CFAP299: variants seen among roughly 807,000 people sequenced by gnomAD.
CFAP299 encodes cilia and flagella associated protein 299.
Under a neutral mutation model 27.0 loss-of-function variants are expected in CFAP299, and 21 were observed. The observed-to-expected ratio is 0.78, with a 90% CI of 0.55 to 1.12. CFAP299 has a LOEUF of 1.12. Ranked by LOEUF, CFAP299 falls within the 50% of genes most tolerant of loss-of-function variation. CFAP299 has a pLI of 0.00. For missense variants in CFAP299, 310 were observed against 276.6 expected (o/e 1.12, Z -0.86); for synonymous variants, 104 against 98.1 (o/e 1.06, Z -0.36).
chr4:80,608,831 G>A (rs1055239698), intron 3 of CFAP299, among the ~76,000 whole-genome samples: 2 of 150,496 alleles, frequency 1.3e-5, no homozygotes, highest in African/African-American at 4.9e-5. Flanking sequence ...TAGAATTCTT[G>A]TGTAAAACTG....
chr4:80,963,684 A>G lies in CFAP299; in HGVS notation c.*72A>G, dbSNP rs1042265223. ...TCCGTAGACAGAGCAAATTAGAATAATAAATGAGCCCTGTAGCTGGAAGGC... is the reference window on the plus strand; with the variant it reads ...TCCGTAGACAGAGCAAATTAGAATAGTAAATGAGCCCTGTAGCTGGAAGGC... On this transcript the variant is annotated 3_prime_UTR_variant, in exon 6 of 6. Transcript: ENST00000358105. The G allele has an allele frequency of 4.1e-6, 4 of 986,644 alleles. No individual in the cohort carries two copies. In the Admixed American group the frequency reaches 6.9e-5, roughly 17 times the overall value. The allele number at this position is 986,644 out of a possible 1,614,324, so 61.1% of individuals were successfully genotyped here. A position where few individuals can be genotyped will look rare whatever the true frequency, so the allele number is the denominator to read the frequency against.
chr4:80,327,173 T>C, the CFAP299 span, among the ~76,000 whole-genome samples: 1 of 152,138 alleles, frequency 6.6e-6, no homozygotes, highest in Non-Finnish European at 1.5e-5. Flanking sequence ...GTATATGCCC[T>C]AAGGTATCTT....
intron 3 of CFAP299, among the ~76,000 whole-genome samples, chr4:80,694,831 T>A (rs1055429501): frequency 6.6e-6 from 1 of 152,176 alleles, no homozygotes; most frequent in Non-Finnish European, 1.5e-5. Flanking sequence ...TTTGAAAAAA[T>A]TACTGTGATT....
chr4:80,454,657 A>T (rs1032269991), intron 2 of CFAP299, among the ~76,000 whole-genome samples: 1 of 152,228 alleles, frequency 6.6e-6, no homozygotes, highest in Admixed American at 6.5e-5. Context: ...AAAAATGCCC[A>T]TAAATGTACA....
At chr4:80,776,728 T>A (rs1160323649) in intron 3 of CFAP299, among the ~76,000 whole-genome samples, 1 of 151,988 alleles carries the variant, frequency 6.6e-6, no homozygotes, top group African/African-American at 2.4e-5. Flanking sequence ...GTTCTGCACA[T>A]GTATCCCGGA....
chr4:80,526,070 A>G (rs763916418), intron 2 of CFAP299, among the ~76,000 whole-genome samples: 2 of 152,166 alleles, frequency 1.3e-5, no homozygotes, highest in Non-Finnish European at 2.9e-5. Flanking sequence ...TATAAACTGG[A>G]TCTAAAGTGA....
chr4:80,779,628 G>T (rs1055078531), intron 3 of CFAP299, among the ~76,000 whole-genome samples: 1 of 151,518 alleles, frequency 6.6e-6, no homozygotes, highest in Non-Finnish European at 1.5e-5. Flanking sequence ...ACTGCAACAG[G>T]CTGTGGTCTT....
the CFAP299 span, among the ~76,000 whole-genome samples, chr4:80,330,564 T>C: frequency 6.6e-6 from 1 of 152,258 alleles, no homozygotes; most frequent in East Asian, 1.9e-4. Context: ...GAGTCCCAGC[T>C]CCCCATCTCA....
At chr4:80,692,301 A>G (rs1720767125) in intron 3 of CFAP299, among the ~76,000 whole-genome samples, 2 of 152,198 alleles carry the variant, frequency 1.3e-5, no homozygotes, top group Admixed American at 6.5e-5. Context: ...ACTATACTAC[A>G]AGGCTACAGT....
At chr4:80,528,718 C>T (rs981539352) in intron 2 of CFAP299, among the ~76,000 whole-genome samples, 1 of 152,108 alleles carries the variant, frequency 6.6e-6, no homozygotes, top group Non-Finnish European at 1.5e-5. Flanking sequence ...GAATATCCTA[C>T]AGTAACTTGA....
At chr4:80,525,923 A>T (rs1300769764) in intron 2 of CFAP299, among the ~76,000 whole-genome samples, 3 of 152,198 alleles carry the variant, frequency 2.0e-5, no homozygotes, top group Non-Finnish European at 4.4e-5. Flanking sequence ...TCTGGTTTAG[A>T]ATTAGCATGA....
At chr4:80,413,750 C>CTTTTTTTTTTTTTTTTTTTTT (rs66780627) in intron 2 of CFAP299, among the ~76,000 whole-genome samples, 2 of 108,308 alleles carry the variant, frequency 1.8e-5, no homozygotes, top group Non-Finnish European at 3.5e-5. Flanking sequence ...TTGTGTCATT[C>CTTTTTTTTTTTTTTTTTTTTT]TTTTTTTTTT....
At chr4:80,522,333 C>T (rs531194729) in intron 2 of CFAP299, among the ~76,000 whole-genome samples, 1 of 152,018 alleles carries the variant, frequency 6.6e-6, no homozygotes, top group Non-Finnish European at 1.5e-5. Context: ...CCCCTTTGCG[C>T]ATTTTTAAAC....
intron 2 of CFAP299, among the ~76,000 whole-genome samples, chr4:80,527,988 G>A (rs1733272831): frequency 6.6e-6 from 1 of 152,024 alleles, no homozygotes; most frequent in Admixed American, 6.6e-5. Context: ...TTCCTGTTTG[G>A]TCCTGTTTCC....
At chr4:80,524,809 T>C (rs1168089683) in intron 2 of CFAP299, among the ~76,000 whole-genome samples, 2 of 152,170 alleles carry the variant, frequency 1.3e-5, no homozygotes. Context: ...TCATCTATTA[T>C]GTCATGGTTT....
chr4:80,779,855 G>T (rs1726771985), intron 3 of CFAP299, among the ~76,000 whole-genome samples: 1 of 151,854 alleles, frequency 6.6e-6, no homozygotes, highest in Admixed American at 6.6e-5. Flanking sequence ...ACCTTTCTTT[G>T]AAGAAAACAG....
At chr4:80,958,256 C>G (rs1738166681) in intron 5 of CFAP299, among the ~76,000 whole-genome samples, 1 of 152,150 alleles carries the variant, frequency 6.6e-6, no homozygotes, top group African/African-American at 2.4e-5. Flanking sequence ...TAAATACTAC[C>G]TCCATAAGTC....
intron 4 of CFAP299, among the ~76,000 whole-genome samples, chr4:80,889,515 A>G (rs377430164): frequency 7.9e-5 from 12 of 152,152 alleles, no homozygotes; most frequent in African/African-American, 1.9e-4. Flanking sequence ...CTGGGACCCA[A>G]TGGCTTTACT....
At chr4:80,399,145 C>G (rs185423783) in intron 2 of CFAP299, among the ~76,000 whole-genome samples, 3 of 152,290 alleles carry the variant, frequency 2.0e-5, no homozygotes, top group African/African-American at 7.2e-5. Context: ...AATGAGATAC[C>G]ATCTTACACC....
Sources: gnomAD v4.1 joint callset for allele counts (sites outside exome capture counted in the v4.1 genomes callset) on GRCh38, gnomAD v4.1.1 for gene constraint, MANE v1.5 for transcripts, NCBI Gene and HGNC (gene_info 2026-07-23, HGNC 2026-07-21) for gene names.